VCAM1: variants seen among roughly 807,000 people sequenced by gnomAD.
VCAM1 encodes the protein vascular cell adhesion protein 1.
Under a neutral mutation model 63.8 loss-of-function variants are expected in VCAM1, and 41 were observed. The ratio of observed to expected loss-of-function variants is 0.64; its 90% CI spans 0.50 to 0.83. The LOEUF is 0.83. Among genes scored for constraint, VCAM1 ranks in the 40% least tolerant of loss-of-function variants. VCAM1 has a pLI of 0.00. For missense variants in VCAM1, 798 were observed against 875.5 expected, an observed-to-expected ratio of 0.91 and a Z score of 1.12; for synonymous variants, 338 against 320.7, an observed-to-expected ratio of 1.05 and a Z score of -0.58.
chr1:100,728,189 G>A (rs143863981), intron 4 of VCAM1, among the ~76,000 whole-genome samples: 2 of 152,220 alleles, frequency 1.3e-5, no homozygotes, highest in Non-Finnish European at 2.9e-5. Context: ...GGATATTTGA[G>A]TCTTAGGAGT....
chr1:100,724,459 G>GA (rs773338691), intron 3 of VCAM1, among the ~76,000 whole-genome samples, 165 bp from the exon 4 acceptor site: 6 of 152,002 alleles, frequency 3.9e-5, no homozygotes, highest in Non-Finnish European at 7.4e-5. Context: ...AGTTTAGTCA[G>GA]AAACTGGATA....
chr1:100,730,447 C>G (rs1296028293), intron 5 of VCAM1, among the ~76,000 whole-genome samples: 2 of 152,088 alleles, frequency 1.3e-5, no homozygotes, highest in African/African-American at 4.8e-5. Context: ...TGATAGCTAT[C>G]TTAGTCTCAT....
chr1:100,731,199 A>G lies in VCAM1; in HGVS notation c.1206A>G (p.Ser402=), dbSNP rs763958436. 6.3e-7 allele frequency: 1 copy of G among 1,592,472 alleles called. No individual in the cohort carries two copies. The change falls in exon 6 of 9, where the codon TCA becomes TCG. Residue 402 remains serine (S), a splice_region_variant and synonymous_variant. Transcript: ENST00000294728. The surrounding 1 kb of genome is among the most constrained non-coding windows in gnomAD (Gnocchi z 4.2). ...LEKGIQVELY[S]FPRDPEIEMS... is the part of the protein sequence containing the mutation. Reference sequence around the variant, plus strand: ...ATCGTTTTTGCTTGCGATTTGCAGCATTCCCTAGAGATCCAGAAATCGAGA... The same window carrying G: ...ATCGTTTTTGCTTGCGATTTGCAGCGTTCCCTAGAGATCCAGAAATCGAGA...
chr1:100,720,407 A>G, intron 1 of VCAM1, 69 bp from the exon 2 acceptor site: 1 of 1,530,434 alleles, frequency 6.5e-7, no homozygotes, highest in Non-Finnish European at 8.8e-7. Flanking sequence ...GACATTATAC[A>G]GAGAAGAAGG....
At chr1:100,736,116 T>G (rs1430583805) in intron 8 of VCAM1, 4 of 152,218 alleles carry the variant, frequency 2.6e-5, no homozygotes, top group African/African-American at 9.6e-5. Context: ...TGTGACCTTT[T>G]AAAGACACAT....
intron 4 of VCAM1, among the ~76,000 whole-genome samples, chr1:100,726,065 T>G: frequency 6.6e-6 from 1 of 151,964 alleles, no homozygotes; most frequent in Admixed American, 6.6e-5. Context: ...CTTCCACTCC[T>G]CGCCCCAGCC....
At chr1:100,727,923 T>C (rs1162385961) in intron 4 of VCAM1, among the ~76,000 whole-genome samples, 3 of 152,138 alleles carry the variant, frequency 2.0e-5, no homozygotes, top group Non-Finnish European at 2.9e-5. Flanking sequence ...ATGAGAACCA[T>C]GCAAAATATA....
At chr1:100,732,383 A>G (rs1660491939) in intron 6 of VCAM1, 35 bp from the exon 7 acceptor site, 1 of 1,511,946 alleles carries the variant, frequency 6.6e-7, no homozygotes. Context: ...TCAGGGCATA[A>G]TAGGTCAAGC....
intron 7 of VCAM1, among the ~76,000 whole-genome samples, chr1:100,733,741 G>C (rs1482461076): frequency 2.6e-5 from 4 of 152,162 alleles, no homozygotes; most frequent in African/African-American, 9.7e-5. Context: ...AGCCACATCT[G>C]TACAGCTTAA....
intron 5 of VCAM1, 45 bp downstream of exon 5, chr1:100,729,427 T>C (rs748724505): frequency 1.3e-6 from 2 of 1,493,674 alleles, no homozygotes; most frequent in African/African-American, 2.8e-5. Flanking sequence ...TTTTCAGTTC[T>C]ATTGGAAGAA....
chr1:100,722,991 C>T, intron 2 of VCAM1, 29 bp from the exon 3 acceptor site: 1 of 1,584,844 alleles, frequency 6.3e-7, no homozygotes, highest in Non-Finnish European at 8.6e-7. Flanking sequence ...AGCAAAAAGC[C>T]CATCCATGTA....
chr1:100,738,056 A>G (rs1170840026), intron 8 of VCAM1, 67 bp from the exon 9 acceptor site: 24 of 1,523,532 alleles, frequency 1.6e-5, no homozygotes, highest in Non-Finnish European at 2.1e-5. Context: ...ATAAACATGT[A>G]ACTGTTGTTA....
At chr1:100,720,436 CTA>C in intron 1 of VCAM1, 38 bp from the exon 2 acceptor site, 1 of 1,588,176 alleles carries the variant, frequency 6.3e-7, no homozygotes, top group Non-Finnish European at 8.6e-7. Flanking sequence ...ACTAGACAAA[CTA>C]GTGGTAAATT....
chr1:100,725,625 TA>T, intron 4 of VCAM1, among the ~76,000 whole-genome samples: 1 of 152,172 alleles, frequency 6.6e-6, no homozygotes, highest in Admixed American at 6.5e-5. Flanking sequence ...ACAACACTAT[TA>T]AAAACCCAGG....
chr1:100,725,196 G>A (rs973407596), intron 4 of VCAM1, among the ~76,000 whole-genome samples: 1 of 150,980 alleles, frequency 6.6e-6, no homozygotes, highest in Non-Finnish European at 1.5e-5. Context: ...TTACACCCCT[G>A]GGTCCTCTTC....
At position 100,724,904 on chromosome 1, in the gene VCAM1, G is replaced by C; in HGVS notation, c.928+14G>C. 1 of 1,608,196 alleles carries C rather than the reference G, an allele frequency of 6.2e-7. No individual in the cohort carries two copies. Among genetic ancestry groups the C allele is most frequent in the Non-Finnish European group, 8.5e-7 (1 of 1,176,952 alleles). Reference sequence around the variant, plus strand: ...TAATTGTTCAAGGTGAGTAGAATGTGAAAAAGGAATGATAAAGGTGCTGTC... The same window carrying C: ...TAATTGTTCAAGGTGAGTAGAATGTCAAAAAGGAATGATAAAGGTGCTGTC... On this transcript the variant is annotated intron_variant, in intron 4 of 8. Transcript: ENST00000294728.
chr1:100,724,769 C>T lies in VCAM1; in HGVS notation c.807C>T (p.His269=). 1 of 1,612,938 alleles carries T rather than the reference C, an allele frequency of 6.2e-7. No individual in the cohort carries two copies. The highest frequency in any genetic ancestry group is 8.5e-7 in the Non-Finnish European group (1 of 1,179,410). ...SKKLDNGNLQ[H]LSGNATLTLI... ...AATTAGATAATGGGAATCTACAGCA[C>T]CTTTCTGGAAATGCAACTCTCACCT... Residue 269 remains histidine (H), a synonymous_variant, in exon 4 of 9, where the codon CAC becomes CAT. Transcript: ENST00000294728.
In VCAM1 at chr1:100,731,915, C is replaced by T. The variant is rs1461436633; in HGVS notation, c.1525+397C>T. ...TGGTGTCACCCTGAGGAACAGTAGC[C>T]TAGATTTACTCTCCAGAGCTCAGTG... On this transcript the variant is annotated intron_variant, in intron 6 of 8. Transcript: ENST00000294728. The surrounding 1 kb of genome is among the most constrained non-coding windows in gnomAD (Gnocchi z 4.2). 6.6e-6 allele frequency among the ~76,000 whole-genome samples: 1 copy of T among 152,052 alleles called. No homozygotes were observed. Among genetic ancestry groups the T allele is most frequent in the East Asian group, 1.9e-4 (1 of 5,174 alleles).
In VCAM1 at chr1:100,734,708, G is replaced by A. The variant is rs1393414421; in HGVS notation, c.1999G>A (p.Glu667Lys). 6.2e-7 allele frequency: 1 copy of A among 1,613,884 alleles called. No individual in the cohort carries two copies. The highest frequency in any genetic ancestry group is 1.3e-5 in the African/African-American group (1 of 74,924). ...KAQLKDAGVY[E>K]CESKNKVGSQ... is the part of the protein sequence containing the mutation. ...CCAGTTGAAGGATGCGGGAGTATAT[G>A]AATGTGAATCTAAAAACAAAGTTGG... The change falls in exon 8 of 9, where the codon GAA (glutamate) becomes AAA (lysine). Residue 667 changes from glutamate to lysine, a missense_variant. By Grantham distance (56) the Glu-to-Lys change is moderately conservative (BLOSUM62 1). Transcript: ENST00000294728.
Sources: gnomAD v4.1 joint callset for allele counts (sites outside exome capture counted in the v4.1 genomes callset) on GRCh38, gnomAD v4.1.1 for gene constraint, Gnocchi (gnomAD v3.1) non-coding constraint, MANE v1.5 for transcripts, NCBI Gene and HGNC (gene_info 2026-07-23, HGNC 2026-07-21) for gene names.